ENOX1: variants seen among roughly 807,000 people sequenced by gnomAD.
ENOX1 encodes the protein ecto-NOX disulfide-thiol exchanger 1.
In ENOX1, 42 loss-of-function variants were observed where a neutral mutation model predicts 82.5. The observed-to-expected ratio is 0.51, with a 90% confidence interval of 0.40 to 0.66. ENOX1 has a LOEUF of 0.66. Ranked by LOEUF, ENOX1 falls within the 30% of genes least tolerant of loss-of-function variation. The probability of loss-of-function intolerance (pLI) is 0.00; values close to 1 mark genes in which losing one functional copy is unlikely to be tolerated. For synonymous variants in ENOX1, 271 were observed against 282.2 expected, an observed-to-expected ratio of 0.96 and a Z score of 0.40; for missense variants, 608 against 811.6, an observed-to-expected ratio of 0.75 and a Z score of 3.05.
At chr13:43,397,557 T>G (rs577247065) in intron 5 of ENOX1, among the ~76,000 whole-genome samples, 9 of 152,346 alleles carry the variant, frequency 5.9e-5, no homozygotes, top group African/African-American at 2.2e-4. Flanking sequence ...AAAGATGCCC[T>G]TGTGGTCAGA....
In ENOX1 at chr13:43,359,962, C is replaced by T. The variant is rs972960255; in HGVS notation, c.478G>A (p.Glu160Lys). 5 of 1,614,226 alleles carry T rather than the reference C, an allele frequency of 3.1e-6. No individual in the cohort carries two copies. The highest frequency in any genetic ancestry group is 4.2e-6 in the Non-Finnish European group (5 of 1,180,032). The change falls in exon 7 of 17, where the codon GAA becomes AAA. Residue 160 changes from glutamate to lysine, a missense_variant. By Grantham distance (56) the Glu-to-Lys change is moderately conservative. Coordinates refer to ENST00000690772, the MANE Select transcript of ENOX1 (RefSeq NM_001347969.2). ...ATATCACCGCACTGTTCAAAGACTTCTTGAATAATTTCCTCAGTAGCATTT... is the reference window on the plus strand; with the variant it reads ...ATATCACCGCACTGTTCAAAGACTTTTTGAATAATTTCCTCAGTAGCATTT... Reference protein sequence around the residue: ...PENATEEIIQEVFEQCGDITA... With the variant: ...PENATEEIIQKVFEQCGDITA...
intron 2 of ENOX1, among the ~76,000 whole-genome samples, chr13:43,503,980 T>C (rs1258310627): frequency 6.6e-6 from 1 of 151,688 alleles, no homozygotes; most frequent in Non-Finnish European, 1.5e-5. Flanking sequence ...GTCAAAAATA[T>C]ATCAGGAATT....
At chr13:43,242,013 C>T (rs2042859253) in intron 14 of ENOX1, among the ~76,000 whole-genome samples, 1 of 152,184 alleles carries the variant, frequency 6.6e-6, no homozygotes, top group Non-Finnish European at 1.5e-5. Context: ...CTGTGGCTTC[C>T]TTACCTTTAG....
chr13:43,454,822 T>C (rs1323143), intron 3 of ENOX1, among the ~76,000 whole-genome samples: 64,308 of 151,544 alleles, frequency 0.42, 14,311 homozygotes, highest in Non-Finnish European at 0.5. Flanking sequence ...AAAAGAACTA[T>C]AGAACTTATA....
At chr13:43,380,277 T>C (rs564888855) in intron 5 of ENOX1, among the ~76,000 whole-genome samples, 37 of 151,846 alleles carry the variant, frequency 2.4e-4, no homozygotes, top group African/African-American at 8.4e-4. Flanking sequence ...AAAAAATTTT[T>C]ACTTATTTTT....
intron 3 of ENOX1, among the ~76,000 whole-genome samples, chr13:43,481,960 T>A (rs2058522364): frequency 6.6e-6 from 1 of 152,180 alleles, no homozygotes; most frequent in Non-Finnish European, 1.5e-5. Flanking sequence ...CACAACGAAG[T>A]ATCACCTCAA....
chr13:43,778,570 G>GA (rs77812250), intron 1 of ENOX1, among the ~76,000 whole-genome samples: 15,296 of 152,118 alleles, frequency 0.1, 945 homozygotes, highest in East Asian at 0.24. Flanking sequence ...AGCAAGGGGG[G>GA]AAAAATCACT....
At chr13:43,350,665 G>A (rs556726771) in intron 8 of ENOX1, among the ~76,000 whole-genome samples, 61 of 152,188 alleles carry the variant, frequency 4.0e-4, no homozygotes, top group African/African-American at 1.3e-3. Context: ...GGCTGGTCTC[G>A]AACTCCTGAC....
chr13:43,320,660 A>G (rs12172797), intron 11 of ENOX1, among the ~76,000 whole-genome samples: 28,559 of 152,098 alleles, frequency 0.19, 3,758 homozygotes, highest in East Asian at 0.56. Context: ...AAACATCACC[A>G]AGACAAAACA....
chr13:43,634,036 G>A (rs1190857505), intron 2 of ENOX1, among the ~76,000 whole-genome samples: 1 of 152,064 alleles, frequency 6.6e-6, no homozygotes, highest in East Asian at 1.9e-4. Flanking sequence ...TCACCACTTT[G>A]TGTGTCTGTA....
chr13:43,295,645 TG>T (rs2153505255), intron 12 of ENOX1, among the ~76,000 whole-genome samples: 2 of 152,312 alleles, frequency 1.3e-5, no homozygotes, highest in South Asian at 4.2e-4. Context: ...TGGTGACATA[TG>T]GGAGGCTGAC....
intron 15 of ENOX1, among the ~76,000 whole-genome samples, chr13:43,229,563 G>C (rs1403071471): frequency 6.6e-6 from 1 of 152,192 alleles, no homozygotes; most frequent in Non-Finnish European, 1.5e-5. Context: ...TCTAAATGTG[G>C]CAGGAAACCA....
At chr13:43,466,088 G>C (rs1269215040) in intron 3 of ENOX1, among the ~76,000 whole-genome samples, 1 of 152,084 alleles carries the variant, frequency 6.6e-6, no homozygotes, top group East Asian at 1.9e-4. Flanking sequence ...AAGGAATGTG[G>C]GTAGAAGTGA....
chr13:43,653,563 C>A (rs894545400), intron 2 of ENOX1, among the ~76,000 whole-genome samples: 4 of 152,046 alleles, frequency 2.6e-5, no homozygotes, highest in African/African-American at 9.7e-5. Flanking sequence ...ATATTACATG[C>A]AAATAACCAA....
intron 2 of ENOX1, among the ~76,000 whole-genome samples, chr13:43,535,153 G>A (rs1189350259): frequency 6.6e-6 from 1 of 152,164 alleles, no homozygotes; most frequent in Non-Finnish European, 1.5e-5. Context: ...TACATATAAA[G>A]TGCTTAGTGA....
At position 43,298,350 on chromosome 13, in the gene ENOX1, T is replaced by C; in HGVS notation, c.1442A>G (p.Gln481Arg). ...QFLQQTMQGM[Q>R]QQLLTIQEEL... ...AAAAAAATCTGGGCCAGGTACCTGC[T>C]GCATGCCTTGCATGGTTTGCTGCAG... The change falls in exon 12 of 17, where the codon CAG becomes CGG. Residue 481 changes from glutamine to arginine, a missense_variant. Gln to Arg is a conservative substitution (Grantham distance 43, BLOSUM62 1). Transcript: ENST00000690772. The C allele has an allele frequency of 6.2e-7, 1 of 1,605,784 alleles. No individual in the cohort carries two copies. Among genetic ancestry groups the C allele is most frequent in the Non-Finnish European group, 8.5e-7 (1 of 1,177,526 alleles).
chr13:43,411,094 T>G (rs1465935518), intron 5 of ENOX1, among the ~76,000 whole-genome samples: 6 of 152,196 alleles, frequency 3.9e-5, no homozygotes, highest in African/African-American at 1.4e-4. Context: ...AAAGCCCCAG[T>G]GACCGATCTG....
intron 1 of ENOX1, among the ~76,000 whole-genome samples, chr13:43,773,766 TGTATTTTCCA>T (rs1424438396): frequency 6.6e-6 from 1 of 152,232 alleles, no homozygotes; most frequent in Non-Finnish European, 1.5e-5. Context: ...ATCTGTTTGA[TGTATTTTCCA>T]GTAAACTGTA....
chr13:43,767,400 T>C (rs755095368), intron 1 of ENOX1, among the ~76,000 whole-genome samples: 32 of 152,190 alleles, frequency 2.1e-4, no homozygotes, highest in Non-Finnish European at 4.3e-4. Flanking sequence ...TGCCCTGAAG[T>C]ATGCAGGGAG....
Sources: allele counts gnomAD v4.1 joint callset (sites outside exome capture counted in the v4.1 genomes callset), GRCh38; gene constraint gnomAD v4.1.1; transcripts MANE v1.5; gene names NCBI Gene and HGNC (gene_info 2026-07-23, HGNC 2026-07-21).